PQBP1: variants seen among roughly 807,000 people sequenced by gnomAD.
The protein encoded by PQBP1 is polyglutamine-binding protein 1.
PQBP1 carries 3 observed loss-of-function variants against 20.9 expected under a neutral mutation model. The ratio of observed to expected loss-of-function variants is 0.14; its 90% confidence interval spans 0.07 to 0.37. The LOEUF is 0.37. Among genes scored for constraint, PQBP1 ranks in the 10% least tolerant of loss-of-function variants. The pLI is 1.00. For synonymous variants in PQBP1, 83 were observed against 93.8 expected (o/e 0.88, Z 0.67); for missense variants, 162 against 240.3 (o/e 0.67, Z 2.16).
intron 1 of PQBP1, 139 bp downstream of exon 1, chrX:48,898,221 G>A: frequency 7.5e-6 from 7 of 936,896 alleles, no homozygotes; most frequent in South Asian, 2.1e-5. Context: ...GGAGGGGCCG[G>A]GCTTCTTAGG....
intron 3 of PQBP1, chrX:48,901,508 C>CAAAA: frequency 1.1e-6 from 1 of 895,301 alleles, no homozygotes; most frequent in Non-Finnish European, 1.6e-6. Context: ...AACGGAGTTT[C>CAAAA]ACTCTTGTAG....
chrX:48,901,525 C>CT, intron 3 of PQBP1: 1 of 793,186 alleles, frequency 1.3e-6, no homozygotes, highest in Non-Finnish European at 1.8e-6. Context: ...GTAGCCCGGG[C>CT]TGGAGTGCAA....
At chrX:48,902,685 G>A (rs1569510577) in intron 5 of PQBP1, 47 bp from the exon 6 acceptor site, 11 of 1,173,383 alleles carry the variant, frequency 9.4e-6, no homozygotes, top group Middle Eastern at 2.3e-4. Context: ...CAGTGATCAG[G>A]GGATCCTGGT....
At position 48,902,795 on chromosome X, in the gene PQBP1, G is replaced by A. The variant is rs782746267; in HGVS notation, c.641G>A (p.Arg214Gln). 7.5e-6 allele frequency: 9 copies of A among 1,200,865 alleles called. No homozygotes were observed. Among genetic ancestry groups the A allele is most frequent in the Non-Finnish European group, 1.0e-5 (9 of 890,241 alleles). Residue 214 changes from arginine (R) to glutamine (Q), a missense_variant and splice_region_variant, in exon 6 of 7, where the codon CGG (arginine) becomes CAG (glutamine). Coordinates refer to ENST00000447146, the MANE Select transcript of PQBP1 (RefSeq NM_001032382.2). ...MDPSSYSDAP[R>Q]GTWSTGLPKR... ...CCTAGCTCATACTCAGACGCCCCCC[G>A]GTAAGTGACAACCCCTCTTGACTCA...
chrX:48,898,638 T>A (rs1424546244), intron 2 of PQBP1, 62 bp downstream of exon 2: 1 of 1,091,431 alleles, frequency 9.2e-7, no homozygotes. Context: ...CTTTTGTTGT[T>A]GATACTGACG....
At chrX:48,901,571 TG>T (rs1474095015) in intron 3 of PQBP1, 3 of 560,231 alleles carry the variant, frequency 5.4e-6, no homozygotes, top group Non-Finnish European at 5.7e-6. Context: ...CTCCGCCTCG[TG>T]GGTTCAAGCG....
chrX:48,898,844 C>T (rs1283693836), intron 2 of PQBP1, among the ~76,000 whole-genome samples: 2 of 66,522 alleles, frequency 3.0e-5, no homozygotes, highest in African/African-American at 1.3e-4. Flanking sequence ...TCTTATTGTG[C>T]ACCCAGGCTG....
intron 1 of PQBP1, 128 bp downstream of exon 1, chrX:48,898,210 C>A (rs945499954): frequency 1.0e-6 from 1 of 972,699 alleles, no homozygotes. Flanking sequence ...TTCTGAAGTG[C>A]GGAGGGGCCG....
At position 48,903,087 on chromosome X, in the gene PQBP1, C is replaced by T. The variant is rs781944808; in HGVS notation, c.*3C>T. The T allele has an allele frequency of 1.6e-5, 19 of 1,202,784 alleles. No individual in the cohort carries two copies. In the South Asian group the frequency reaches 2.7e-4, roughly 17 times the overall value. ...CCCGAACCAAGCAGCAGGATTGAAG[C>T]TTCGGCCTCCCTGGCCCTGGGTTAA... On this transcript the variant is annotated 3_prime_UTR_variant, in exon 7 of 7. Coordinates refer to ENST00000447146, the MANE Select transcript of PQBP1 (RefSeq NM_001032382.2).
At position 48,902,542 on chromosome X, in the gene PQBP1, G is replaced by A. The variant is rs142702270; in HGVS notation, c.577+25G>A. 1.0e-3 allele frequency: 1,200 copies of A among 1,194,660 alleles called. 5 individuals are homozygous for A. The African/African-American group carries it at 0.019, about 19-fold the overall frequency. The stretch of plus-strand genomic sequence containing the variant: ...GGTAAGCTGGGCAGAATGGGGCTCG[G>A]TGAGACCAACAAGGTGCAGGGTGCA... On this transcript the variant is annotated intron_variant, in intron 5 of 6. Transcript: ENST00000447146.
intron 2 of PQBP1, 127 bp from the exon 3 acceptor site, chrX:48,901,063 G>GCA (rs1430677222): frequency 9.7e-5 from 101 of 1,038,588 alleles, no homozygotes; most frequent in Middle Eastern, 2.5e-4. Flanking sequence ...ATTCTTCCCG[G>GCA]CACACACACA....
intron 1 of PQBP1, 100 bp from the exon 2 acceptor site, chrX:48,898,392 C>G: frequency 1.3e-6 from 1 of 747,982 alleles, no homozygotes; most frequent in Non-Finnish European, 2.1e-6. Context: ...TTGAGTAGAT[C>G]GGAGTCAGAT....
intron 5 of PQBP1, 99 bp downstream of exon 5, chrX:48,902,616 AGGAGGGT>A: frequency 8.7e-7 from 1 of 1,154,203 alleles, no homozygotes; most frequent in Non-Finnish European, 1.2e-6. Flanking sequence ...CTGGGGCTAG[AGGAGGGT>A]GCTGTGGTAC....
rs782268620 is a variant in PQBP1 at position 48,902,269 on chromosome X, C to T, written c.329C>T (p.Ser110Leu). The T allele has an allele frequency of 8.3e-6, 10 of 1,207,508 alleles. No homozygotes were observed. The East Asian group carries it at 8.9e-5, about 11-fold the overall frequency. The change falls in exon 5 of 7, where the codon TCG (serine) becomes TTG (leucine). Residue 110 changes from serine to leucine, a missense_variant. Physicochemically the swap from Ser to Leu is moderately radical, Grantham distance 145. Coordinates refer to ENST00000447146, the MANE Select transcript of PQBP1 (RefSeq NM_001032382.2). The stretch of plus-strand genomic sequence containing the variant: ...AAGTTGGACCGGAGCCATGACAAGT[C>T]GGACAGGGGCCATGACAAGTCGGAC... Reference protein sequence around the residue: ...EEKLDRSHDKSDRGHDKSDRS... With the variant: ...EEKLDRSHDKLDRGHDKSDRS...
In PQBP1 at chrX:48,902,429, C is replaced by G; in HGVS notation, c.489C>G (p.Arg163=). Residue 163 remains arginine, a synonymous_variant, in exon 5 of 7, where the codon CGC becomes CGG. Transcript: ENST00000447146. ...RERDRERDRD[R]GYDKADREEG... ...GAGACAGGGAACGGGATCGGGACCG[C>G]GGGTATGACAAGGCAGACCGGGAAG... is the stretch of plus-strand genomic sequence containing the variant. 5.8e-6 allele frequency: 7 copies of G among 1,208,825 alleles called. No homozygotes were observed. Among genetic ancestry groups the G allele is most frequent in the Non-Finnish European group, 6.7e-6 (6 of 894,354 alleles).
chrX:48,901,396 G>A (rs1327088374), intron 3 of PQBP1, 95 bp downstream of exon 3: 8 of 1,157,398 alleles, frequency 6.9e-6, no homozygotes, highest in Admixed American at 5.2e-5. Context: ...AGGGAGCCTC[G>A]GGTGGAGGGT....
chrX:48,899,925 G>A (rs782759978), intron 2 of PQBP1, among the ~76,000 whole-genome samples: 1 of 112,068 alleles, frequency 8.9e-6, no homozygotes, highest in South Asian at 3.7e-4. Context: ...CCTACTGTGT[G>A]CAAGGTATAG....
At chrX:48,899,213 GTGA>G (rs1273497440) in intron 2 of PQBP1, among the ~76,000 whole-genome samples, 21 of 110,979 alleles carry the variant, frequency 1.9e-4, no homozygotes, top group African/African-American at 6.2e-4. Flanking sequence ...CTGACCTCAG[GTGA>G]TCCACCCCCC....
At chrX:48,898,676 C>A in intron 2 of PQBP1, 100 bp downstream of exon 2, 1 of 873,571 alleles carries the variant, frequency 1.1e-6, no homozygotes, top group Non-Finnish European at 1.6e-6. Context: ...GCCAACTGTG[C>A]ACCAAGCAAT....
Sources: gnomAD v4.1 joint callset for allele counts (sites outside exome capture counted in the v4.1 genomes callset) on GRCh38, gnomAD v4.1.1 for gene constraint, MANE v1.5 for transcripts, NCBI Gene and HGNC (gene_info 2026-07-23, HGNC 2026-07-21) for gene names.